Variants in TRIM49 observed in about 807,000 individuals in gnomAD.
TRIM49 encodes tripartite motif containing 49.
In TRIM49, 5 loss-of-function variants were observed where a neutral mutation model predicts 27.4. The observed-to-expected ratio is 0.18, with a 90% CI of 0.10 to 0.38. The LOEUF is 0.38. Ranked by LOEUF, TRIM49 falls within the 10% of genes least tolerant of loss-of-function variation. The pLI, the probability that TRIM49 is intolerant of heterozygous loss-of-function variation, is 1.00. For missense variants in TRIM49, 188 were observed against 487.5 expected (o/e 0.39, Z 5.79); for synonymous variants, 69 against 166.0 (o/e 0.42, Z 4.49).
At chr11:89,807,571 A>C (rs1949797420) in intron 1 of TRIM49, among the ~76,000 whole-genome samples, 1 of 150,368 alleles carries the variant, frequency 6.7e-6, no homozygotes, top group African/African-American at 2.5e-5. Context: ...TTCTAGAGAA[A>C]GGGTCTCCTT....
At chr11:89,803,970 G>C (rs1949761582) in intron 3 of TRIM49, 89 bp downstream of exon 3, 4 of 1,611,324 alleles carry the variant, frequency 2.5e-6, no homozygotes, top group South Asian at 1.1e-5. Context: ...AAGGGACTCA[G>C]AGTTGGCTTT....
chr11:89,805,357 G>C (rs1486138231), intron 2 of TRIM49, among the ~76,000 whole-genome samples: 7 of 150,178 alleles, frequency 4.7e-5, no homozygotes, highest in Non-Finnish European at 3.0e-5. Context: ...TTGTGGGTGA[G>C]TCTGTGAAGG....
intron 2 of TRIM49, among the ~76,000 whole-genome samples, chr11:89,805,712 AG>A (rs1949783903): frequency 7.2e-6 from 1 of 139,270 alleles, no homozygotes; most frequent in Non-Finnish European, 1.5e-5. Flanking sequence ...AGGTGTTTTT[AG>A]TTTTTTTTTG....
the TRIM49 span, among the ~76,000 whole-genome samples, chr11:89,768,645 A>T: frequency 1.5e-5 from 2 of 135,084 alleles, 1 homozygote; most frequent in South Asian, 4.6e-4. Flanking sequence ...TAAGAGGCAT[A>T]GGTAACATTC....
the TRIM49 span, chr11:89,787,214 G>C: frequency 4.4e-6 from 1 of 224,974 alleles, no homozygotes; most frequent in Non-Finnish European, 8.6e-6. Flanking sequence ...GCCGGGCGCC[G>C]TGCGTGGCCC....
chr11:89,767,930 T>G, the TRIM49 span, among the ~76,000 whole-genome samples: 1 of 137,478 alleles, frequency 7.3e-6, no homozygotes, highest in Non-Finnish European at 1.5e-5. Flanking sequence ...GTATCACGAT[T>G]GAACCATACA....
At chr11:89,790,276 A>G in the TRIM49 span, among the ~76,000 whole-genome samples, 594 of 139,446 alleles carry the variant, frequency 4.3e-3, no homozygotes, top group South Asian at 0.011. Context: ...AACTGGGTGG[A>G]GCCCACTGCA....
chr11:89,802,938 CT>C (rs1193119806), intron 4 of TRIM49, among the ~76,000 whole-genome samples: 1 of 150,100 alleles, frequency 6.7e-6, no homozygotes, highest in Non-Finnish European at 1.5e-5. Context: ...TGCTTCCTTT[CT>C]TCTTTACTAG....
chr11:89,768,874 C>G, the TRIM49 span: 5 of 499,910 alleles, frequency 1.0e-5, no homozygotes, highest in Admixed American at 4.0e-5. Flanking sequence ...GAGAAAACGA[C>G]TCCTTTAGAA....
the TRIM49 span, among the ~76,000 whole-genome samples, chr11:89,777,690 T>C: frequency 6.6e-6 from 1 of 150,874 alleles, no homozygotes; most frequent in Admixed American, 6.6e-5. Flanking sequence ...AAAAGCCAGT[T>C]TCTCAGAAAA....
At chr11:89,794,647 C>A (rs1232252550), downstream of TRIM49, among the ~76,000 whole-genome samples, 1 of 146,324 alleles carries the variant, frequency 6.8e-6, no homozygotes, top group East Asian at 2.2e-4. Context: ...AAAGGATTCC[C>A]TATTTAATAA....
rs1448286821 is a variant in TRIM49 at position 89,805,378 on chromosome 11, GGA to G, written c.-4-907_-4-906del. On this transcript the variant is annotated intron_variant, in intron 2 of 7. Coordinates refer to ENST00000329758, the MANE Select transcript of TRIM49 (RefSeq NM_020358.2). ...GTGAGTCTGTGAAGGTGTTTCTAGA[GGA>G]GAGAGACATGTGAGCTGGTGAGCTG... 4.7e-5 allele frequency among the ~76,000 whole-genome samples: 7 copies of G among 149,878 alleles called. 1 individual carries two copies. Among genetic ancestry groups the G allele is most frequent in the African/African-American group, 1.7e-4 (7 of 40,522 alleles).
chr11:89,784,251 G>GT, the TRIM49 span, among the ~76,000 whole-genome samples: 1 of 104,316 alleles, frequency 9.6e-6, no homozygotes, highest in African/African-American at 6.4e-5. Context: ...CCATTTCTTA[G>GT]TATTCAAGAG....
the TRIM49 span, chr11:89,782,492 T>C: frequency 2.9e-6 from 4 of 1,400,382 alleles, no homozygotes; most frequent in Non-Finnish European, 3.8e-6. Context: ...ATGTAATTAC[T>C]TTATGGTTAT....
At chr11:89,785,846 A>C in the TRIM49 span, 1 of 144,666 alleles carries the variant, frequency 6.9e-6, no homozygotes, top group Non-Finnish European at 1.5e-5. Context: ...TTGGGGCGGG[A>C]GCTAGGGCTT....
chr11:89,803,475 A>G (rs1219267792), intron 4 of TRIM49, among the ~76,000 whole-genome samples: 1 of 150,426 alleles, frequency 6.6e-6, no homozygotes, highest in Non-Finnish European at 1.5e-5. Flanking sequence ...TATGAAACAA[A>G]CCAGCATGCT....
chr11:89,792,891 G>A (rs1443350967), downstream of TRIM49, among the ~76,000 whole-genome samples: 6 of 152,094 alleles, frequency 3.9e-5, no homozygotes, highest in Admixed American at 6.5e-5. Flanking sequence ...AAATAACTAC[G>A]ATCAGAGCAG....
chr11:89,792,838 G>T (rs1311436884), downstream of TRIM49, among the ~76,000 whole-genome samples: 1 of 152,110 alleles, frequency 6.6e-6, no homozygotes, highest in African/African-American at 2.4e-5. Context: ...AAAAGAACTA[G>T]AGAAGCAAGA....
chr11:89,775,579 T>G, the TRIM49 span, among the ~76,000 whole-genome samples: 1 of 130,750 alleles, frequency 7.6e-6, no homozygotes, highest in Non-Finnish European at 1.5e-5. Flanking sequence ...ATCTTCACTT[T>G]TTTTGTTGTT....
Sources: gnomAD v4.1 joint callset for allele counts (sites outside exome capture counted in the v4.1 genomes callset) on GRCh38, gnomAD v4.1.1 for gene constraint, MANE v1.5 for transcripts, NCBI Gene and HGNC (gene_info 2026-07-23, HGNC 2026-07-21) for gene names.